NAALADL2: variants seen among roughly 807,000 people sequenced by gnomAD.
NAALADL2 encodes the protein N-acetylated alpha-linked acidic dipeptidase like 2, also known as inactive N-acetylated-alpha-linked acidic dipeptidase-like protein 2.
Under a neutral mutation model 87.2 loss-of-function variants are expected in NAALADL2, and 76 were observed. The ratio of observed to expected loss-of-function variants is 0.87; its 90% CI spans 0.72 to 1.05. The LOEUF (loss-of-function observed/expected upper bound fraction) is 1.05, where lower values mean the gene tolerates loss of function less well. NAALADL2 is among the 50% of genes least tolerant of loss of function. The probability of loss-of-function intolerance (pLI) is 0.00; values close to 1 mark genes in which losing one functional copy is unlikely to be tolerated. For missense variants in NAALADL2, 1,089 were observed against 945.8 expected (o/e 1.15, Z -1.99); for synonymous variants, 354 against 331.0 (o/e 1.07, Z -0.75).
chr3:174,871,997 A>G (rs1298709263), intron 1 of NAALADL2, among the ~76,000 whole-genome samples: 1 of 152,182 alleles, frequency 6.6e-6, no homozygotes, highest in Non-Finnish European at 1.5e-5. Context: ...ATATAGAAAT[A>G]TGGGAGCCGA....
At chr3:175,605,645 T>TTTTTTTTTTTTG (rs1723618992) in intron 10 of NAALADL2, among the ~76,000 whole-genome samples, 3 of 33,100 alleles carry the variant, frequency 9.1e-5, no homozygotes, top group African/African-American at 1.6e-4. Context: ...TGCTTGTTTT[T>TTTTTTTTTTTTG]TTTTTTTTTT....
intron 12 of NAALADL2, among the ~76,000 whole-genome samples, chr3:175,751,898 A>G (rs1199738777): frequency 6.6e-6 from 1 of 151,728 alleles, no homozygotes; most frequent in African/African-American, 2.4e-5. Flanking sequence ...AATTTAGTTT[A>G]ATTTAACTTA....
At chr3:175,667,743 GTTT>G (rs58514374) in intron 11 of NAALADL2, among the ~76,000 whole-genome samples, 243 of 120,038 alleles carry the variant, frequency 2.0e-3, no homozygotes, top group African/African-American at 6.6e-3. Flanking sequence ...GTTTTTTGCT[GTTT>G]TTTTTTTTTT....
chr3:175,400,190 C>T (rs905038459), intron 5 of NAALADL2, among the ~76,000 whole-genome samples: 3 of 152,078 alleles, frequency 2.0e-5, no homozygotes, highest in Non-Finnish European at 4.4e-5. Flanking sequence ...GCGTTATTCC[C>T]ACAATATTCT....
At chr3:175,601,780 C>T (rs1582579245) in intron 10 of NAALADL2, among the ~76,000 whole-genome samples, 1 of 152,226 alleles carries the variant, frequency 6.6e-6, no homozygotes, top group African/African-American at 2.4e-5. Flanking sequence ...ATGCCACAAC[C>T]AAAAACCAGA....
At chr3:175,347,638 T>C (rs1441263264) in intron 5 of NAALADL2, among the ~76,000 whole-genome samples, 2 of 152,212 alleles carry the variant, frequency 1.3e-5, no homozygotes, top group Non-Finnish European at 2.9e-5. Flanking sequence ...TTCTTGGTCA[T>C]GGCTTTATGT....
intron 3 of NAALADL2, among the ~76,000 whole-genome samples, chr3:174,839,845 A>T (rs1020601003): frequency 1.4e-4 from 21 of 152,140 alleles, no homozygotes; most frequent in Admixed American, 7.2e-4. Context: ...AAAATAATAA[A>T]AAAAAATAGT....
intron 1 of NAALADL2, among the ~76,000 whole-genome samples, chr3:175,026,251 A>G (rs1261053717): frequency 2.6e-5 from 4 of 152,084 alleles, no homozygotes; most frequent in Non-Finnish European, 4.4e-5. Context: ...ATGTCTAGGC[A>G]TATTTTCGTG....
chr3:174,696,695 G>A (rs1312136216), intron 2 of NAALADL2, among the ~76,000 whole-genome samples: 1 of 148,964 alleles, frequency 6.7e-6, no homozygotes, highest in Admixed American at 6.7e-5. Flanking sequence ...AAACCATGTT[G>A]TATGCATTTT....
At chr3:175,230,639 A>G (rs992362188) in intron 2 of NAALADL2, among the ~76,000 whole-genome samples, 2 of 152,064 alleles carry the variant, frequency 1.3e-5, no homozygotes, top group African/African-American at 4.8e-5. Flanking sequence ...TTGGAAAACT[A>G]TTTAGTATAT....
intron 1 of NAALADL2, among the ~76,000 whole-genome samples, chr3:174,481,482 C>T (rs755545841): frequency 2.0e-5 from 3 of 151,838 alleles, no homozygotes; most frequent in Non-Finnish European, 2.9e-5. Context: ...AAAATTGCCA[C>T]GAGGTTTAGA....
intron 1 of NAALADL2, among the ~76,000 whole-genome samples, chr3:175,069,961 A>C (rs1454111743): frequency 6.9e-6 from 1 of 145,788 alleles, no homozygotes; most frequent in Admixed American, 7.0e-5. Context: ...GAATTGAACA[A>C]TGAGAACACA....
intron 1 of NAALADL2, among the ~76,000 whole-genome samples, chr3:174,506,905 A>G (rs1344751795): frequency 6.6e-6 from 1 of 151,740 alleles, no homozygotes. Context: ...CTTATTTCTA[A>G]GTAATAACTC....
chr3:175,796,266 A>G (rs943146175), intron 13 of NAALADL2, among the ~76,000 whole-genome samples: 1 of 152,162 alleles, frequency 6.6e-6, no homozygotes, highest in Non-Finnish European at 1.5e-5. Context: ...CCCAAACCAA[A>G]TTCAAGAGGT....
intron 4 of NAALADL2, 143 bp from the exon 5 acceptor site, chr3:175,324,028 CAAAA>C (rs372517580): frequency 1.2e-5 from 5 of 426,188 alleles, no homozygotes; most frequent in Non-Finnish European, 1.9e-5. Flanking sequence ...AAAAAACAAA[CAAAA>C]AAAAAAAAAA....
chr3:174,481,973 A>G (rs1717581216), intron 1 of NAALADL2, among the ~76,000 whole-genome samples: 1 of 152,084 alleles, frequency 6.6e-6, no homozygotes, highest in Non-Finnish European at 1.5e-5. Flanking sequence ...TTGTGTGTAC[A>G]CACAATGTAG....
intron 1 of NAALADL2, among the ~76,000 whole-genome samples, chr3:174,919,080 TA>T (rs963546756): frequency 6.6e-6 from 1 of 152,128 alleles, no homozygotes; most frequent in East Asian, 1.9e-4. Flanking sequence ...ATTTTATTGC[TA>T]AAAAATCCTA....
intron 2 of NAALADL2, among the ~76,000 whole-genome samples, chr3:174,677,614 T>C (rs1727156895): frequency 6.6e-6 from 1 of 152,162 alleles, no homozygotes; most frequent in Non-Finnish European, 1.5e-5. Context: ...TGCAAATCTC[T>C]AGTCACAACA....
chr3:174,968,668 C>T (rs770352164), intron 1 of NAALADL2, among the ~76,000 whole-genome samples: 13 of 151,952 alleles, frequency 8.6e-5, no homozygotes, highest in Non-Finnish European at 5.9e-5. Flanking sequence ...TTATTAGAGA[C>T]GGGGTTTCAC....
Sources: gnomAD v4.1 joint callset for allele counts (sites outside exome capture counted in the v4.1 genomes callset) on GRCh38, gnomAD v4.1.1 for gene constraint, MANE v1.5 for transcripts, NCBI Gene and HGNC (gene_info 2026-07-23, HGNC 2026-07-21) for gene names.